The following ECT2L variants were observed in gnomAD, a reference collection of about 807,000 sequenced individuals.
ECT2L encodes epithelial cell transforming 2 like, also known as epithelial cell-transforming sequence 2 oncogene-like.
ECT2L carries 126 observed loss-of-function variants against 122.8 expected under a neutral mutation model. The ratio of observed to expected loss-of-function variants is 1.03; its 90% CI spans 0.89 to 1.19. The LOEUF is 1.19. ECT2L is among the 50% of genes most tolerant of loss of function. ECT2L has a pLI of 0.00. For synonymous variants in ECT2L, 385 were observed against 381.8 expected (o/e 1.01, Z -0.10); for missense variants, 1,012 against 1,064.1 (o/e 0.95, Z 0.68).
chr6:138,844,326 C>G, intron 6 of ECT2L, 86 bp from the exon 7 acceptor site: 8 of 1,477,270 alleles, frequency 5.4e-6, no homozygotes, highest in Non-Finnish European at 7.4e-6. Flanking sequence ...CCTGGTACAG[C>G]TTTATTTTTG....
rs774402036 is a variant in ECT2L, at chr6:138,862,747, G to A, written c.1291+28G>A. On this transcript the variant is annotated intron_variant, in intron 11 of 21. Coordinates refer to ENST00000541398, the MANE Select transcript of ECT2L (RefSeq NM_001077706.3). ...AAGTGTTATGGGAGCTGAGCGCCACGTCCAATAACACAAGCCAACTCCAGA... is the reference window on the plus strand; with the variant it reads ...AAGTGTTATGGGAGCTGAGCGCCACATCCAATAACACAAGCCAACTCCAGA... 20 of 1,583,120 alleles carry A rather than the reference G, an allele frequency of 1.3e-5. No homozygotes were observed. In the Admixed American group the frequency reaches 2.2e-4, roughly 17 times the overall value.
In ECT2L at chr6:138,813,165, T is replaced by C. The variant is rs553515536; in HGVS notation, c.-103-7T>C. On this transcript the variant is annotated splice_region_variant and splice_polypyrimidine_tract_variant and intron_variant, in intron 2 of 21. Coordinates refer to ENST00000541398, the MANE Select transcript of ECT2L (RefSeq NM_001077706.3). ...TATAAGGACATTAACATATTGGTTA[T>C]TTCTAGGTGATCTTAATTGCACACC... is the stretch of plus-strand genomic sequence containing the variant. 2.0e-4 allele frequency: 136 copies of C among 680,128 alleles called. 2 individuals are homozygous for C. The South Asian group carries it at 2.6e-3, about 13-fold the overall frequency. 42.1% of individuals were successfully genotyped at this position (680,128 alleles called of 1,614,324 possible).
At chr6:138,819,615 A>G (rs1386893048) in intron 4 of ECT2L, among the ~76,000 whole-genome samples, 1 of 152,212 alleles carries the variant, frequency 6.6e-6, no homozygotes, top group Admixed American at 6.5e-5. Flanking sequence ...GAATGAATTC[A>G]GATATCTAAA....
rs376683048 is a variant in ECT2L, at chr6:138,889,015, A to G, written c.2398A>G (p.Ile800Val). ...CCAACTTCATTGCTGTGATGAAGAA[A>G]TAAGTTTCTCTTTAAGGTAAACAAT... ...VAQLHCCDEE[I>V]SFSLRLYEHI... The change falls in exon 20 of 22, where the codon ATA becomes GTA. Residue 800 changes from isoleucine (I) to valine (V), a missense_variant. Ile to Val is a conservative substitution (Grantham distance 29, BLOSUM62 3). Transcript: ENST00000541398. 8.4e-6 allele frequency: 13 copies of G among 1,549,180 alleles called. No homozygotes were observed. Among genetic ancestry groups the G allele is most frequent in the Middle Eastern group, 1.7e-4 (1 of 5,838 alleles).
chr6:138,893,680 C>T (rs570449136), intron 20 of ECT2L, among the ~76,000 whole-genome samples: 1 of 152,208 alleles, frequency 6.6e-6, no homozygotes, highest in African/African-American at 2.4e-5. Context: ...CCTTGGCCTC[C>T]CGAAGTGCTG....
At chr6:138,851,195 G>C (rs1466326146) in intron 9 of ECT2L, among the ~76,000 whole-genome samples, 1 of 151,762 alleles carries the variant, frequency 6.6e-6, no homozygotes, top group South Asian at 2.1e-4. Flanking sequence ...TGTTTTGTTG[G>C]TTTTTTTCTT....
At chr6:138,838,690 A>T (rs9389626) in intron 5 of ECT2L, among the ~76,000 whole-genome samples, 176 bp downstream of exon 5, 50,935 of 152,212 alleles carry the variant, frequency 0.33, 9,324 homozygotes, top group African/African-American at 0.48. Flanking sequence ...ATTTCTATAA[A>T]TAAGGAATAT....
chr6:138,882,948 C>A, intron 16 of ECT2L, 77 bp downstream of exon 16: 1 of 1,479,620 alleles, frequency 6.8e-7, no homozygotes, highest in South Asian at 1.3e-5. Context: ...GAAAGACCAG[C>A]GTTAATAAGA....
chr6:138,813,876 G>A (rs759430295), intron 3 of ECT2L, among the ~76,000 whole-genome samples: 4 of 152,104 alleles, frequency 2.6e-5, no homozygotes, highest in Non-Finnish European at 5.9e-5. Flanking sequence ...GACCAGGCTG[G>A]GACTAAAGCC....
chr6:138,835,956 C>T (rs1027058870), intron 4 of ECT2L, among the ~76,000 whole-genome samples: 3 of 152,134 alleles, frequency 2.0e-5, no homozygotes, highest in African/African-American at 4.8e-5. Flanking sequence ...TTTTGAAGAG[C>T]ACAGGCCTGC....
chr6:138,881,979 G>A (rs1778660779), intron 15 of ECT2L, among the ~76,000 whole-genome samples: 1 of 152,148 alleles, frequency 6.6e-6, no homozygotes, highest in Non-Finnish European at 1.5e-5. Context: ...AAGGAGGAGA[G>A]TCATACGCTC....
At chr6:138,824,584 A>AAAAC (rs1198178494) in intron 4 of ECT2L, among the ~76,000 whole-genome samples, 5 of 145,780 alleles carry the variant, frequency 3.4e-5, no homozygotes, top group African/African-American at 1.2e-4. Context: ...ACAAAAACAA[A>AAAAC]AAAAACACAA....
intron 1 of ECT2L, among the ~76,000 whole-genome samples, chr6:138,798,419 G>A (rs562439058): frequency 3.3e-5 from 5 of 152,220 alleles, no homozygotes; most frequent in African/African-American, 1.2e-4. Flanking sequence ...AATTCCAAGG[G>A]ATTTCGGAGC....
At chr6:138,887,624 G>A (rs1188833) in intron 19 of ECT2L, among the ~76,000 whole-genome samples, 53,429 of 152,054 alleles carry the variant, frequency 0.35, 11,244 homozygotes, top group Admixed American at 0.5. Context: ...TGTTAGCGAC[G>A]TGTTAACCTA....
Position 138,834,891 on chromosome 6 carries a change from G to A in ECT2L, c.180-3461G>A, listed in dbSNP as rs548455244. Among the ~76,000 whole-genome samples the A allele has an allele frequency of 5.6e-5, 7 of 124,500 alleles. No individual in the cohort carries two copies. In the South Asian group the frequency reaches 1.1e-3, roughly 19 times the overall value. The allele number at this position is 124,500 out of a possible 152,430, so 81.7% of individuals were successfully genotyped here. On this transcript the variant is annotated intron_variant, in intron 4 of 21. Transcript: ENST00000541398. ...AGGCCCGGCTCCATTCTTTGCCCCC[G>A]TTTACACACACACACACACACACAC...
chr6:138,846,572 A>G lies in ECT2L; in HGVS notation c.798A>G (p.Leu266=). ...SNISGSHSYP[L]LSKKNWHGVH... Reference sequence around the variant, plus strand: ...TTTCTGGAAGCCATTCCTACCCTTTATTATCAAAGAAAAATTGGCATGGAG... The same window carrying G: ...TTTCTGGAAGCCATTCCTACCCTTTGTTATCAAAGAAAAATTGGCATGGAG... Residue 266 remains leucine (L), a synonymous_variant, in exon 8 of 22, where the codon TTA becomes TTG. Coordinates refer to ENST00000541398, the MANE Select transcript of ECT2L (RefSeq NM_001077706.3). 1 of 1,606,708 alleles carries G rather than the reference A, an allele frequency of 6.2e-7. No homozygotes were observed.
At position 138,838,364 on chromosome 6, in the gene ECT2L, C is replaced by T; in HGVS notation, c.192C>T (p.Asp64=). 1 of 1,602,436 alleles carries T rather than the reference C, an allele frequency of 6.2e-7. No homozygotes were observed. The highest frequency in any genetic ancestry group is 8.5e-7 in the Non-Finnish European group (1 of 1,176,198). Residue 64 remains aspartate, a synonymous_variant, in exon 5 of 22, where the codon GAC becomes GAT. Transcript: ENST00000541398. ...TCTTTCTTTTTAGGTTTGTCCAAGA[C>T]TGGTTTTCAGAAAGGATGCAAGTGG... The part of the protein sequence containing the change: ...CTKSQLRFVQ[D]WFSERMQVAK...
At chr6:138,876,441 T>A (rs1315462409) in intron 13 of ECT2L, 31 bp from the exon 14 acceptor site, 2 of 1,528,236 alleles carry the variant, frequency 1.3e-6, no homozygotes, top group Non-Finnish European at 1.8e-6. Flanking sequence ...AAGACCTGCC[T>A]CCAATAACCA....
chr6:138,873,399 T>A (rs1476900121), intron 13 of ECT2L, among the ~76,000 whole-genome samples: 1 of 152,204 alleles, frequency 6.6e-6, no homozygotes, highest in East Asian at 1.9e-4. Flanking sequence ...GAAAAGCTGA[T>A]TTTCCTTACA....
Sources: gnomAD v4.1 joint callset for allele counts (sites outside exome capture counted in the v4.1 genomes callset) on GRCh38, gnomAD v4.1.1 for gene constraint, MANE v1.5 for transcripts, NCBI Gene and HGNC (gene_info 2026-07-23, HGNC 2026-07-21) for gene names.